EXOC4: variants seen among roughly 807,000 people sequenced by gnomAD.
EXOC4 encodes SEC8-like 1.
In EXOC4, 71 loss-of-function variants were observed where a neutral mutation model predicts 107.2. The observed-to-expected ratio is 0.66, with a 90% confidence interval of 0.55 to 0.81. The LOEUF (loss-of-function observed/expected upper bound fraction) is 0.81. EXOC4 is among the 30% of genes least tolerant of loss of function. The pLI, the probability that EXOC4 is intolerant of heterozygous loss-of-function variation, is 0.00. For synonymous variants in EXOC4, 456 were observed against 441.2 expected, an observed-to-expected ratio of 1.03 and a Z score of -0.42; for missense variants, 1,108 against 1,189.6, an observed-to-expected ratio of 0.93 and a Z score of 1.01.
intron 7 of EXOC4, among the ~76,000 whole-genome samples, chr7:133,457,153 G>A (rs563957834): frequency 1.4e-4 from 21 of 152,264 alleles, no homozygotes; most frequent in Admixed American, 1.3e-3. Context: ...GAAATGACAT[G>A]GCTTTTCAGA....
At chr7:133,835,420 GT>G (rs372934769) in intron 11 of EXOC4, among the ~76,000 whole-genome samples, 1 of 152,298 alleles carries the variant, frequency 6.6e-6, no homozygotes, top group African/African-American at 2.4e-5. Flanking sequence ...AGGTGGGACA[GT>G]TCGAAGTGGG....
chr7:134,041,253 C>A (rs1180799524), intron 17 of EXOC4, among the ~76,000 whole-genome samples: 4 of 152,054 alleles, frequency 2.6e-5, no homozygotes, highest in Non-Finnish European at 5.9e-5. Flanking sequence ...TTCTTTAGAC[C>A]CAGTAGTCAT....
At chr7:133,761,706 C>T (rs1585127826) in intron 10 of EXOC4, among the ~76,000 whole-genome samples, 4 of 152,282 alleles carry the variant, frequency 2.6e-5, no homozygotes, top group Admixed American at 2.6e-4. Flanking sequence ...AATGTGCGGT[C>T]AAGTTGTTGA....
intron 7 of EXOC4, among the ~76,000 whole-genome samples, chr7:133,449,819 T>C (rs957360608): frequency 1.3e-5 from 2 of 152,100 alleles, no homozygotes; most frequent in Non-Finnish European, 2.9e-5. Context: ...TTTATGTCTA[T>C]CATCTCTCCT....
At chr7:133,965,756 C>T (rs985797225) in intron 14 of EXOC4, among the ~76,000 whole-genome samples, 1 of 152,116 alleles carries the variant, frequency 6.6e-6, no homozygotes, top group African/African-American at 2.4e-5. Flanking sequence ...AGTCAGGTAG[C>T]ATGATGCCTC....
intron 10 of EXOC4, among the ~76,000 whole-genome samples, chr7:133,721,034 A>C (rs569498900): frequency 5.9e-5 from 9 of 152,284 alleles, no homozygotes; most frequent in African/African-American, 2.2e-4. Flanking sequence ...CTTGCTCTTG[A>C]ATTTACTACC....
chr7:133,582,035 C>T (rs1455109439), intron 9 of EXOC4, among the ~76,000 whole-genome samples: 1 of 152,016 alleles, frequency 6.6e-6, no homozygotes, highest in South Asian at 2.1e-4. Context: ...ATTTAATCAC[C>T]CCCTACCAGG....
chr7:133,564,128 G>T (rs566541527), intron 9 of EXOC4, among the ~76,000 whole-genome samples: 2 of 152,186 alleles, frequency 1.3e-5, no homozygotes, highest in Admixed American at 6.5e-5. Flanking sequence ...ACATGAGACT[G>T]TGTGATTTAT....
intron 14 of EXOC4, among the ~76,000 whole-genome samples, chr7:133,939,692 A>G (rs28654576): frequency 0.27 from 41,497 of 152,052 alleles, 6,235 homozygotes; most frequent in Non-Finnish European, 0.34. Context: ...TGATGATGAA[A>G]TTATACAAGT....
At chr7:134,026,829 G>GA (rs1795147354) in intron 17 of EXOC4, among the ~76,000 whole-genome samples, 9 of 238 alleles carry the variant, frequency 0.038, no homozygotes, top group Non-Finnish European at 9.4e-3. Flanking sequence ...TATAGGCAGA[G>GA]CAACGTTGCT....
At chr7:133,567,265 ATTC>A (rs1370971596) in intron 9 of EXOC4, among the ~76,000 whole-genome samples, 1 of 151,898 alleles carries the variant, frequency 6.6e-6, no homozygotes, top group African/African-American at 2.4e-5. Context: ...ATATATATAT[ATTC>A]TTTTTTTTCC....
chr7:133,937,746 C>T (rs1006524508), intron 13 of EXOC4, 145 bp from the exon 14 acceptor site: 39 of 719,874 alleles, frequency 5.4e-5, no homozygotes, highest in Non-Finnish European at 8.7e-5. Flanking sequence ...TGATAGTTGT[C>T]TCACAAAGTT....
chr7:133,446,804 G>A (rs868829717), intron 7 of EXOC4, among the ~76,000 whole-genome samples: 2 of 152,104 alleles, frequency 1.3e-5, no homozygotes, highest in Non-Finnish European at 2.9e-5. Flanking sequence ...CTTTTTTCAC[G>A]AGTAGAAATA....
intron 9 of EXOC4, among the ~76,000 whole-genome samples, chr7:133,587,768 GT>G (rs61563903): frequency 0.13 from 20,056 of 152,120 alleles, 1,413 homozygotes; most frequent in East Asian, 0.23. Flanking sequence ...TTCTGGTTCA[GT>G]TTTTTTCCAA....
chr7:133,514,888 T>C (rs1799843292), intron 9 of EXOC4, among the ~76,000 whole-genome samples: 1 of 152,186 alleles, frequency 6.6e-6, no homozygotes. Context: ...ATAAATGATA[T>C]CATTTCATAT....
chr7:133,710,654 T>G (rs6944857), intron 10 of EXOC4, among the ~76,000 whole-genome samples: 1 of 140,806 alleles, frequency 7.1e-6, no homozygotes, highest in Admixed American at 7.0e-5. Flanking sequence ...AGTGAGACTC[T>G]GTCTCAGAAA....
At chr7:133,678,145 T>C (rs1204174661) in intron 10 of EXOC4, among the ~76,000 whole-genome samples, 3 of 152,190 alleles carry the variant, frequency 2.0e-5, no homozygotes, top group Non-Finnish European at 4.4e-5. Context: ...AAAACACAAA[T>C]AGCCTTCTCT....
chr7:133,641,992 G>C (rs1329050582), intron 10 of EXOC4, among the ~76,000 whole-genome samples: 1 of 152,248 alleles, frequency 6.6e-6, no homozygotes, highest in Middle Eastern at 3.4e-3. Flanking sequence ...TTGGAGGTCT[G>C]TCTGCTTTAT....
intron 10 of EXOC4, among the ~76,000 whole-genome samples, chr7:133,734,463 G>T (rs1229044947): frequency 6.6e-6 from 1 of 151,240 alleles, no homozygotes; most frequent in Non-Finnish European, 1.5e-5. Flanking sequence ...TGGTTATGAG[G>T]TTGAAACTTT....
Sources: allele counts gnomAD v4.1 joint callset (sites outside exome capture counted in the v4.1 genomes callset), GRCh38; gene constraint gnomAD v4.1.1; transcripts MANE v1.5; gene names NCBI Gene and HGNC (gene_info 2026-07-23, HGNC 2026-07-21).